TLE6: variants seen among roughly 807,000 people sequenced by gnomAD.
TLE6 encodes the protein TLE family member 6, subcortical maternal complex member, also known as transducin-like enhancer protein 6.
Under a neutral mutation model 77.1 loss-of-function variants are expected in TLE6, and 72 were observed. That is an observed-to-expected ratio of 0.93 (90% confidence interval 0.77 to 1.14). The LOEUF is 1.14. Ranked by LOEUF, TLE6 falls within the 50% of genes most tolerant of loss-of-function variation. TLE6 has a pLI of 0.00. For synonymous variants in TLE6, 366 were observed against 287.3 expected (o/e 1.27, Z -2.77); for missense variants, 843 against 747.6 (o/e 1.13, Z -1.49).
chr19:2,987,834 G>T (rs1303056633), intron 9 of TLE6, 44 bp downstream of exon 9: 3 of 1,613,780 alleles, frequency 1.9e-6, no homozygotes, highest in Non-Finnish European at 2.5e-6. Context: ...GGCGGGATGG[G>T]GTGGGGGCAT....
chr19:2,987,228 C>T lies in TLE6; in HGVS notation c.531C>T (p.Pro177=). The change falls in exon 7 of 17, where the codon CCC becomes CCT. Residue 177 remains proline (P), a synonymous_variant. Transcript: ENST00000246112. ...FAGVHDEKAK[P]RDRQQAPGLG... ...GCGTCCACGATGAGAAGGCAAAGCC[C>T]AGAGACAGACGTGAGTGTCCCTGAG... 6.2e-7 allele frequency: 1 copy of T among 1,614,154 alleles called. No homozygotes were observed.
At chr19:2,991,031 TAC>T (rs759708752) in intron 13 of TLE6, among the ~76,000 whole-genome samples, 5,468 of 141,298 alleles carry the variant, frequency 0.039, 143 homozygotes, top group Non-Finnish European at 0.051. Flanking sequence ...CATACATACA[TAC>T]ATACATACAT....
chr19:2,989,223 G>A lies in TLE6; in HGVS notation c.903G>A (p.Val301=). 4 of 1,614,102 alleles carry A rather than the reference G, an allele frequency of 2.5e-6. No individual in the cohort carries two copies. The highest frequency in any genetic ancestry group is 3.4e-6 in the Non-Finnish European group (4 of 1,180,048). ...ATAISSFTRH[V]FTCGRRGIKV... ...CCATCAGCAGCTTCACGCGGCACGTGTTCACCTGTGGCAGAAGAGGCATCA... is the reference window on the plus strand; with the variant it reads ...CCATCAGCAGCTTCACGCGGCACGTATTCACCTGTGGCAGAAGAGGCATCA... The change falls in exon 12 of 17, where the codon GTG becomes GTA. Residue 301 remains valine, a synonymous_variant. Transcript: ENST00000246112.
intron 12 of TLE6, 88 bp downstream of exon 12, chr19:2,989,401 A>C: frequency 6.3e-7 from 1 of 1,585,162 alleles, no homozygotes; most frequent in Non-Finnish European, 8.6e-7. Flanking sequence ...GATCGTGGAG[A>C]GAGGGCTTCC....
chr19:2,987,123 G>C lies in TLE6; in HGVS notation c.426G>C (p.Pro142=), dbSNP rs757907159. ...LRRPLGEDNQ[P]ETQLFWDKEP... is the part of the protein sequence containing the mutation. ...GGCCTTTGGGGGAGGACAATCAGCC[G>C]GAGACCCAGCTGTTCTGGGACAAGG... The change falls in exon 7 of 17, where the codon CCG becomes CCC. Residue 142 remains proline, a synonymous_variant. Coordinates refer to ENST00000246112, the MANE Select transcript of TLE6 (RefSeq NM_001143986.2). 2.5e-5 allele frequency: 40 copies of C among 1,614,006 alleles called. No homozygotes were observed. Among genetic ancestry groups the C allele is most frequent in the Non-Finnish European group, 3.4e-5 (40 of 1,180,022 alleles).
Position 2,994,098 on chromosome 19 carries a change from A to C in TLE6, c.1614+3A>C, listed in dbSNP as rs2089153711. On this transcript the variant is annotated splice_donor_region_variant and intron_variant, in intron 16 of 16. Transcript: ENST00000246112. The stretch of plus-strand genomic sequence containing the variant: ...CGGCGGGGACAAAAGTGTTCGAGGT[A>C]CTGCGGTGGGCTGGGGGCAGGACCC... 1 of 1,538,200 alleles carries C rather than the reference A, an allele frequency of 6.5e-7. No homozygotes were observed. The highest frequency in any genetic ancestry group is 2.1e-5 in the Admixed American group (1 of 48,318).
intron 5 of TLE6, among the ~76,000 whole-genome samples, chr19:2,985,432 C>T (rs1272635075): frequency 2.6e-5 from 3 of 114,106 alleles, no homozygotes; most frequent in East Asian, 2.4e-4. Flanking sequence ...AGACAAGTCT[C>T]GCTCTGTCAC....
In TLE6 at chr19:2,989,112, G is replaced by C. The variant is rs950586656; in HGVS notation, c.792G>C (p.Leu264Phe). The C allele has an allele frequency of 1.2e-6, 2 of 1,614,148 alleles. No individual in the cohort carries two copies. The highest frequency in any genetic ancestry group is 1.3e-5 in the African/African-American group (1 of 75,052). ...FEDAWKRPDA[L>F]PGQSKRLAVP... ...ATGCATGGAAGAGGCCAGATGCCTT[G>C]CCCGGGCAGTCAAAGAGACTCGCCG... The change falls in exon 12 of 17, where the codon TTG (leucine) becomes TTC (phenylalanine). Residue 264 changes from leucine (L) to phenylalanine (F), a missense_variant. Transcript: ENST00000246112.
At chr19:2,981,049 T>TC (rs1555683840) in intron 3 of TLE6, among the ~76,000 whole-genome samples, 5,837 of 141,674 alleles carry the variant, frequency 0.041, 383 homozygotes, top group African/African-American at 0.14. Context: ...AGATTCTGTT[T>TC]AAAAAAAAAA....
Position 2,984,057 on chromosome 19 carries a change from C to T in TLE6, c.222+1868C>T, listed in dbSNP as rs149485422. On this transcript the variant is annotated intron_variant, in intron 5 of 16. Transcript: ENST00000246112. ...TCCTGGGCAGTCCGCTTCCCCCACC[C>T]GCTGCTTCCAGTTCCGGGCTTTCCC... The T allele has an allele frequency of 1.7e-3, 262 of 152,462 alleles. 1 individual carries two copies. Among genetic ancestry groups the T allele is most frequent in the Non-Finnish European group, 3.3e-3 (223 of 68,186 alleles). The allele number at this position is 152,462 out of a possible 1,614,324, so 9.4% of individuals were successfully genotyped here.
intron 2 of TLE6, among the ~76,000 whole-genome samples, chr19:2,979,696 T>G (rs1227447181): frequency 6.6e-6 from 1 of 151,688 alleles, no homozygotes; most frequent in Non-Finnish European, 1.5e-5. Context: ...ATTCCAGCAC[T>G]TTAGGAGGCC....
In TLE6 at chr19:2,989,656, A is replaced by AG. The variant is rs746807333; in HGVS notation, c.1117dup (p.Glu373GlyfsTer50). 6.2e-7 allele frequency: 1 copy of AG among 1,614,126 alleles called. No individual in the cohort carries two copies. The highest frequency in any genetic ancestry group is 1.3e-5 in the African/African-American group (1 of 74,952). ...CTGGCGGCGCCCTCCCTGCATGTGA[A>AG]GGAGCAGTTGCCCTGTGCAGGTCTC... On this transcript the variant is annotated frameshift_variant, in exon 13 of 17. Coordinates refer to ENST00000246112, the MANE Select transcript of TLE6 (RefSeq NM_001143986.2). LOFTEE classifies it high-confidence loss of function.
At chr19:2,986,919 A>AGG (rs961169259) in intron 6 of TLE6, 28 bp downstream of exon 6, 1 of 1,552,536 alleles carries the variant, frequency 6.4e-7, no homozygotes, top group Non-Finnish European at 8.7e-7. Context: ...CAAGGAGGGG[A>AGG]GGGGACAGGC....
At chr19:2,978,339 G>C in intron 2 of TLE6, 55 bp downstream of exon 2, 2 of 1,537,858 alleles carry the variant, frequency 1.3e-6, no homozygotes, top group Non-Finnish European at 1.8e-6. Flanking sequence ...GCCCAATGTG[G>C]TTCTGCCCCT....
At chr19:2,982,075 G>A (rs1053547833) in intron 4 of TLE6, 73 bp from the exon 5 acceptor site, 1 of 1,496,890 alleles carries the variant, frequency 6.7e-7, no homozygotes, top group Admixed American at 2.0e-5. Context: ...GAGAGGTAGA[G>A]CAGCTTGCCC....
chr19:2,994,908 G>C lies in TLE6; in HGVS notation c.1623G>C (p.Glu541Asp). The change falls in exon 17 of 17, where the codon GAG (glutamate) becomes GAC (aspartate). Residue 541 changes from glutamate to aspartate, a missense_variant. By Grantham distance (45) the Glu-to-Asp change is conservative. Transcript: ENST00000246112. ...PAGTKVFEVP[E>D]MSPVTCCDVS... Reference sequence around the variant, plus strand: ...CACTGCCCCCCCTCCAGGTGCCTGAGATGTCTCCAGTCACGTGCTGTGACG... The same window carrying C: ...CACTGCCCCCCCTCCAGGTGCCTGACATGTCTCCAGTCACGTGCTGTGACG... The C allele has an allele frequency of 6.3e-7, 1 of 1,598,276 alleles. No individual in the cohort carries two copies. Among genetic ancestry groups the C allele is most frequent in the Non-Finnish European group, 8.5e-7 (1 of 1,172,290 alleles).
chr19:2,994,722 T>C (rs1391719157), intron 16 of TLE6, among the ~76,000 whole-genome samples, 178 bp from the exon 17 acceptor site: 1 of 152,194 alleles, frequency 6.6e-6, no homozygotes, highest in Non-Finnish European at 1.5e-5. Flanking sequence ...GAAGATTGTG[T>C]GAGTCCAGGA....
intron 14 of TLE6, among the ~76,000 whole-genome samples, chr19:2,992,330 G>A (rs1457221418): frequency 2.6e-5 from 4 of 152,106 alleles, no homozygotes; most frequent in Non-Finnish European, 4.4e-5. Context: ...AAATTGGCCA[G>A]GCATGGTGGC....
chr19:2,986,732 A>G, intron 5 of TLE6, 97 bp from the exon 6 acceptor site: 1 of 1,236,406 alleles, frequency 8.1e-7, no homozygotes, highest in African/African-American at 1.5e-5. Context: ...AAGTAGATTG[A>G]TATACCTTCT....
Sources: allele counts gnomAD v4.1 joint callset (sites outside exome capture counted in the v4.1 genomes callset), GRCh38; gene constraint gnomAD v4.1.1; transcripts MANE v1.5; gene names NCBI Gene and HGNC (gene_info 2026-07-23, HGNC 2026-07-21).